Variants in GRM8 observed in about 807,000 individuals in gnomAD.
The protein encoded by GRM8 is glutamate metabotropic receptor 8, also known as metabotropic glutamate receptor 8.
In GRM8, 47 loss-of-function variants were observed where a neutral mutation model predicts 87.2. That is an observed-to-expected ratio of 0.54 (90% CI 0.43 to 0.69). The LOEUF (loss-of-function observed/expected upper bound fraction) is 0.69, where lower values mean the gene tolerates loss of function less well. Among genes scored for constraint, GRM8 ranks in the 30% least tolerant of loss-of-function variants. The pLI is 0.00. For missense variants in GRM8, 1,019 were observed against 1,139.2 expected (o/e 0.89, Z 1.52); for synonymous variants, 396 against 404.5 (o/e 0.98, Z 0.25).
At chr7:127,131,983 C>T (rs1827712972) in intron 2 of GRM8, among the ~76,000 whole-genome samples, 1 of 152,060 alleles carries the variant, frequency 6.6e-6, no homozygotes, top group Admixed American at 6.6e-5. Flanking sequence ...AAAGAGTAGC[C>T]ATTTAAAACA....
intron 9 of GRM8, among the ~76,000 whole-genome samples, chr7:126,531,652 T>C (rs1249157151): frequency 6.6e-6 from 1 of 152,250 alleles, no homozygotes; most frequent in African/African-American, 2.4e-5. Context: ...GGTTATTTTG[T>C]AAAATTTTCC....
At chr7:126,866,921 T>C (rs1276587340) in intron 6 of GRM8, among the ~76,000 whole-genome samples, 1 of 152,026 alleles carries the variant, frequency 6.6e-6, no homozygotes, top group Non-Finnish European at 1.5e-5. Flanking sequence ...TTGAACACAG[T>C]GGTAATTTTT....
chr7:126,729,420 G>A (rs1813359483), intron 7 of GRM8, among the ~76,000 whole-genome samples: 1 of 152,130 alleles, frequency 6.6e-6, no homozygotes, highest in African/African-American at 2.4e-5. Flanking sequence ...TACCCCTTGG[G>A]TGGAAAAATT....
In GRM8 at chr7:126,611,928, C is replaced by T. The variant is rs1320570362; in HGVS notation, c.1358-2430G>A. ...GAATATCATTATTAAAATCAAGTTACACTAAATTTGACATTGTATTAAGGT... is the reference window on the plus strand; with the variant it reads ...GAATATCATTATTAAAATCAAGTTATACTAAATTTGACATTGTATTAAGGT... On this transcript the variant is annotated intron_variant, in intron 7 of 10. Transcript: ENST00000339582. Among the ~76,000 whole-genome samples, 4 of 152,140 alleles carry T rather than the reference C, an allele frequency of 2.6e-5. No homozygotes were observed. The East Asian group carries it at 7.7e-4, about 29-fold the overall frequency.
chr7:126,729,919 C>T (rs999499416), intron 7 of GRM8, among the ~76,000 whole-genome samples: 7 of 152,090 alleles, frequency 4.6e-5, no homozygotes, highest in Non-Finnish European at 2.9e-5. Flanking sequence ...GACAATGTCA[C>T]AAATCTAAAG....
intron 3 of GRM8, among the ~76,000 whole-genome samples, chr7:126,916,034 C>T (rs1803864080): frequency 6.6e-6 from 1 of 152,140 alleles, no homozygotes; most frequent in African/African-American, 2.4e-5. Flanking sequence ...AAAAATACAA[C>T]AGGAAGATTT....
At chr7:126,558,528 A>G (rs544739399) in intron 8 of GRM8, among the ~76,000 whole-genome samples, 1 of 152,280 alleles carries the variant, frequency 6.6e-6, no homozygotes, top group African/African-American at 2.4e-5. Context: ...GAAGTCTTTT[A>G]TATAAGATGG....
intron 1 of GRM8, among the ~76,000 whole-genome samples, chr7:127,250,123 C>A (rs1026294330): frequency 3.9e-5 from 6 of 152,206 alleles, no homozygotes; most frequent in East Asian, 1.9e-4. Context: ...AACATTCATA[C>A]ACAAAGATTG....
chr7:126,984,366 T>A (rs1381307325), intron 3 of GRM8, among the ~76,000 whole-genome samples: 1 of 152,114 alleles, frequency 6.6e-6, no homozygotes, highest in Non-Finnish European at 1.5e-5. Flanking sequence ...CAAAGGAGAT[T>A]AACATTTGAA....
chr7:127,106,231 C>T (rs920332947), intron 3 of GRM8, among the ~76,000 whole-genome samples: 1 of 152,156 alleles, frequency 6.6e-6, no homozygotes, highest in South Asian at 2.1e-4. Context: ...CCAGCAAACT[C>T]CCTTGTCAAA....
intron 6 of GRM8, among the ~76,000 whole-genome samples, chr7:126,863,479 T>A (rs1798313298): frequency 6.6e-6 from 1 of 152,128 alleles, no homozygotes; most frequent in Admixed American, 6.6e-5. Flanking sequence ...GAATGAAGCA[T>A]CTGAGCCATA....
chr7:127,178,681 G>T (rs1378813247), intron 2 of GRM8, among the ~76,000 whole-genome samples: 1 of 151,878 alleles, frequency 6.6e-6, no homozygotes, highest in Non-Finnish European at 1.5e-5. Flanking sequence ...AGCTAGAAGG[G>T]ATTCAGTCTC....
chr7:126,519,434 G>T (rs2150782703), intron 9 of GRM8, among the ~76,000 whole-genome samples: 1 of 152,094 alleles, frequency 6.6e-6, no homozygotes, highest in African/African-American at 2.4e-5. Context: ...ATAGTCAATA[G>T]GAATTAATTT....
rs532093918 is a variant in GRM8 at position 127,062,347 on chromosome 7, T to C, written c.727+44149A>G. Among the ~76,000 whole-genome samples the C allele has an allele frequency of 2.0e-5, 3 of 151,722 alleles. No homozygotes were observed. The East Asian group carries it at 5.8e-4, about 29-fold the overall frequency. On this transcript the variant is annotated intron_variant, in intron 3 of 10. Transcript: ENST00000339582. ...GGAGCTGGCTTGACACAGCATGCAA[T>C]AGGGAGTCATTGCCATTTATAAAAG...
chr7:126,447,875 T>A (rs17605924), intron 9 of GRM8, among the ~76,000 whole-genome samples: 8,799 of 152,030 alleles, frequency 0.058, 346 homozygotes, highest in Middle Eastern at 0.11. Flanking sequence ...TAAGAGCTCA[T>A]TGTTTAAGTG....
intron 2 of GRM8, among the ~76,000 whole-genome samples, chr7:127,125,787 C>CACACACAA (rs1352104793): frequency 1.3e-5 from 2 of 151,350 alleles, no homozygotes; most frequent in African/African-American, 4.8e-5. Context: ...CACACACACA[C>CACACACAA]ACACACACAC....
At chr7:127,179,082 A>G (rs1218940792) in intron 2 of GRM8, among the ~76,000 whole-genome samples, 1 of 152,188 alleles carries the variant, frequency 6.6e-6, no homozygotes, top group African/African-American at 2.4e-5. Flanking sequence ...AATGGATAAG[A>G]ACTCACCAAT....
intron 3 of GRM8, among the ~76,000 whole-genome samples, chr7:126,971,558 A>G (rs970139282): frequency 1.3e-5 from 2 of 152,182 alleles, no homozygotes; most frequent in African/African-American, 4.8e-5. Context: ...GGCTTCAATT[A>G]AAGGTCAGTC....
Position 127,083,275 on chromosome 7 carries a change from A to T in GRM8, c.727+23221T>A, listed in dbSNP as rs1333941438. Among the ~76,000 whole-genome samples, 4 of 152,190 alleles carry T rather than the reference A, an allele frequency of 2.6e-5. No individual in the cohort carries two copies. In the East Asian group the frequency reaches 7.7e-4, roughly 29 times the overall value. On this transcript the variant is annotated intron_variant, in intron 3 of 10. Coordinates refer to ENST00000339582, the MANE Select transcript of GRM8 (RefSeq NM_000845.3). ...TGCCAAAGCCAAAACTTTGAGCACC[A>T]TCCCTGCCTCTTCCTTCTCCCTCAC...
Sources: gnomAD v4.1 joint callset for allele counts (sites outside exome capture counted in the v4.1 genomes callset) on GRCh38, gnomAD v4.1.1 for gene constraint, MANE v1.5 for transcripts, NCBI Gene and HGNC (gene_info 2026-07-23, HGNC 2026-07-21) for gene names.